CDH11: variants seen among roughly 807,000 people sequenced by gnomAD.
The protein encoded by CDH11 is cadherin-11.
CDH11 carries 11 observed loss-of-function variants against 67.8 expected under a neutral mutation model. The observed-to-expected ratio is 0.16, with a 90% CI of 0.10 to 0.27. The LOEUF (loss-of-function observed/expected upper bound fraction) is 0.27, where lower values mean the gene tolerates loss of function less well. Among genes scored for constraint, CDH11 ranks in the 10% least tolerant of loss-of-function variants. The pLI is 1.00. For missense variants in CDH11, 847 were observed against 1,031.2 expected (o/e 0.82, Z 2.45); for synonymous variants, 419 against 400.0 (o/e 1.05, Z -0.57).
chr16:64,986,541 T>A (rs974012671), intron 7 of CDH11: 1 of 151,962 alleles, frequency 6.6e-6, no homozygotes, highest in Non-Finnish European at 1.5e-5. Flanking sequence ...GAATTGCTGA[T>A]GTCAATGTTC....
chr16:65,029,139 T>A (rs2073589534), intron 2 of CDH11, among the ~76,000 whole-genome samples: 1 of 152,162 alleles, frequency 6.6e-6, no homozygotes, highest in African/African-American at 2.4e-5. Flanking sequence ...AAACACTTTT[T>A]AAAAAATCTT....
rs1201619132 is a variant in CDH11, at chr16:65,122,050, G to T, written c.-468C>A. On this transcript the variant is annotated 5_prime_UTR_variant, in exon 1 of 13. Transcript: ENST00000268603. ...GCCCGCGACGCTCCCCTCAGCTGGCGGCGGCCGCGGAATGAGCCGCCGAGC... is the reference window on the plus strand; with the variant it reads ...GCCCGCGACGCTCCCCTCAGCTGGCTGCGGCCGCGGAATGAGCCGCCGAGC... 6.0e-6 allele frequency: 4 copies of T among 666,094 alleles called. No homozygotes were observed. Among genetic ancestry groups the T allele is most frequent in the Non-Finnish European group, 1.1e-5 (4 of 372,204 alleles). The allele number at this position is 666,094 out of a possible 1,614,324, so 41.3% of individuals were successfully genotyped here. A position where few individuals can be genotyped will look rare whatever the true frequency, so the allele number is the denominator to read the frequency against.
At chr16:64,970,820 T>C (rs1048534028) in intron 11 of CDH11, among the ~76,000 whole-genome samples, 2 of 152,142 alleles carry the variant, frequency 1.3e-5, no homozygotes, top group African/African-American at 4.8e-5. Context: ...GCCTGCACCT[T>C]CACAAACTTA....
chr16:64,989,489 G>A (rs1353909169), intron 6 of CDH11, among the ~76,000 whole-genome samples: 1 of 152,124 alleles, frequency 6.6e-6, no homozygotes, highest in Non-Finnish European at 1.5e-5. Flanking sequence ...ACAATGACGT[G>A]CATATCTGCA....
intron 2 of CDH11, among the ~76,000 whole-genome samples, chr16:65,053,297 C>T (rs538175073): frequency 5.8e-4 from 88 of 152,294 alleles, no homozygotes; most frequent in Non-Finnish European, 3.8e-4. Flanking sequence ...AATCCCATAG[C>T]ACAGACAGTG....
Position 64,972,069 on chromosome 16 carries a change from G to A in CDH11, c.1391-5C>T. 6.2e-7 allele frequency: 1 copy of A among 1,612,976 alleles called. No individual in the cohort carries two copies. The highest frequency in any genetic ancestry group is 8.5e-7 in the Non-Finnish European group (1 of 1,179,046). On this transcript the variant is annotated splice_polypyrimidine_tract_variant and splice_region_variant and intron_variant, in intron 9 of 12. Coordinates refer to ENST00000268603, the MANE Select transcript of CDH11 (RefSeq NM_001797.4). Reference sequence around the variant, plus strand: ...TGGCTTCCTGATGCCGATTGTCTGGGAAGACAGAATGCAGACAGTCAAGAA... The same window carrying A: ...TGGCTTCCTGATGCCGATTGTCTGGAAAGACAGAATGCAGACAGTCAAGAA...
chr16:65,049,618 A>G (rs765109177), intron 2 of CDH11, among the ~76,000 whole-genome samples: 1 of 152,210 alleles, frequency 6.6e-6, no homozygotes, highest in Non-Finnish European at 1.5e-5. Flanking sequence ...AGATCAAAGA[A>G]CACAACTTTG....
In CDH11 at chr16:64,943,997, GT is replaced by G. The variant is rs895691800; in HGVS notation, c.*3605del. The G allele has an allele frequency of 8.4e-5, 19 of 227,036 alleles. No individual in the cohort carries two copies. The highest frequency in any genetic ancestry group is 1.8e-4 in the South Asian group (1 of 5,434). 14.1% of individuals were successfully genotyped at this position (227,036 alleles called of 1,614,324 possible). Reference sequence around the variant, plus strand: ...CCTGCTTTCCATGGAAAAGGAACGTGTTTTTTTTTGTATCAGGAACCGAAAG... The same window carrying G: ...CCTGCTTTCCATGGAAAAGGAACGTGTTTTTTTTGTATCAGGAACCGAAAG... On this transcript the variant is annotated 3_prime_UTR_variant, in exon 13 of 13. Coordinates refer to ENST00000268603, the MANE Select transcript of CDH11 (RefSeq NM_001797.4).
intron 1 of CDH11, among the ~76,000 whole-genome samples, chr16:65,094,426 T>TAC (rs143212489): frequency 1.8e-4 from 27 of 150,880 alleles, no homozygotes; most frequent in Non-Finnish European, 1.6e-4. Context: ...AACAGAAAAC[T>TAC]ACACACACAC....
intron 2 of CDH11, among the ~76,000 whole-genome samples, chr16:65,028,508 C>A (rs192993707): frequency 1.1e-3 from 161 of 152,214 alleles, no homozygotes; most frequent in African/African-American, 3.3e-3. Flanking sequence ...CCTCCAACAC[C>A]CACACATAAG....
chr16:65,019,260 A>T (rs2073375874), intron 2 of CDH11, among the ~76,000 whole-genome samples: 1 of 152,220 alleles, frequency 6.6e-6, no homozygotes, highest in African/African-American at 2.4e-5. Context: ...TCAAATATCA[A>T]AGGTGTGAAA....
intron 12 of CDH11, chr16:64,948,441 G>A: frequency 1.5e-6 from 1 of 669,626 alleles, no homozygotes. Flanking sequence ...CTTAGAAGTG[G>A]CTAATGCCAA....
Position 65,121,478 on chromosome 16 carries a change from C to T in CDH11, c.-298+402G>A, listed in dbSNP as rs1281184986. ...GAAGCGGCGCAGGGCTGGCGGGCACCGCGCCGTGGGCGACTTTCCCCAGAG... is the reference window on the plus strand; with the variant it reads ...GAAGCGGCGCAGGGCTGGCGGGCACTGCGCCGTGGGCGACTTTCCCCAGAG... On this transcript the variant is annotated intron_variant, in intron 1 of 12. Coordinates refer to ENST00000268603, the MANE Select transcript of CDH11 (RefSeq NM_001797.4). This position sits in a 1 kb window ranked among gnomAD's most constrained non-coding sequence, Gnocchi z 4.1. Among the ~76,000 whole-genome samples, 1 of 152,140 alleles carries T rather than the reference C, an allele frequency of 6.6e-6. No individual in the cohort carries two copies.
chr16:64,950,668 A>G (rs1351011608), intron 12 of CDH11, 99 bp downstream of exon 12: 5 of 1,420,680 alleles, frequency 3.5e-6, no homozygotes, highest in Non-Finnish European at 4.7e-6. Context: ...CAGTCATAAC[A>G]GGGTCCTGGT....
chr16:65,038,523 A>G (rs2073799484), intron 2 of CDH11, among the ~76,000 whole-genome samples: 3 of 152,186 alleles, frequency 2.0e-5, no homozygotes, highest in Non-Finnish European at 4.4e-5. Flanking sequence ...AGAAATGTGT[A>G]TCTACTCCTT....
intron 2 of CDH11, among the ~76,000 whole-genome samples, chr16:65,047,129 G>T (rs527593549): frequency 7.2e-5 from 11 of 151,982 alleles, no homozygotes; most frequent in African/African-American, 2.7e-4. Context: ...ATAAATCAAG[G>T]TGTAAAACAG....
intron 4 of CDH11, among the ~76,000 whole-genome samples, chr16:64,997,027 G>A (rs995725965): frequency 6.6e-6 from 1 of 151,814 alleles, no homozygotes; most frequent in African/African-American, 2.4e-5. Context: ...GGCCGGGCAC[G>A]GTGGCTCACG....
At chr16:65,072,663 A>G (rs1407909636) in intron 1 of CDH11, among the ~76,000 whole-genome samples, 1 of 152,240 alleles carries the variant, frequency 6.6e-6, no homozygotes, top group Non-Finnish European at 1.5e-5. Context: ...TTGGCAGTGA[A>G]ATACTTGTAT....
chr16:65,008,502 C>T (rs1006397149), intron 2 of CDH11, among the ~76,000 whole-genome samples: 1 of 152,178 alleles, frequency 6.6e-6, no homozygotes, highest in African/African-American at 2.4e-5. Flanking sequence ...TCCTTAGCTA[C>T]TGTTCTAAAA....
Sources: allele counts gnomAD v4.1 joint callset (sites outside exome capture counted in the v4.1 genomes callset), GRCh38; gene constraint gnomAD v4.1.1; non-coding constraint Gnocchi (gnomAD v3.1); transcripts MANE v1.5; gene names NCBI Gene and HGNC (gene_info 2026-07-23, HGNC 2026-07-21).